Variants in AGTPBP1 observed in about 807,000 individuals in gnomAD.
AGTPBP1 encodes ATP/GTP binding carboxypeptidase 1, also known as cytosolic carboxypeptidase 1.
AGTPBP1 carries 70 observed loss-of-function variants against 143.9 expected under a neutral mutation model. The observed-to-expected ratio is 0.49, with a 90% confidence interval of 0.40 to 0.59. AGTPBP1 has a LOEUF of 0.59. Ranked by LOEUF, AGTPBP1 falls within the 20% of genes least tolerant of loss-of-function variation. AGTPBP1 has a pLI of 0.00. For synonymous variants in AGTPBP1, 463 were observed against 500.2 expected (o/e 0.93, Z 0.99); for missense variants, 1,229 against 1,464.5 (o/e 0.84, Z 2.62).
chr9:85,556,027 T>C (rs1587616209), intron 25 of AGTPBP1, among the ~76,000 whole-genome samples: 1 of 152,226 alleles, frequency 6.6e-6, no homozygotes, highest in Non-Finnish European at 1.5e-5. Flanking sequence ...AAAATAACTA[T>C]TGGGAACTAG....
At chr9:85,573,067 A>ACTCCCT (rs759082752) in intron 25 of AGTPBP1, among the ~76,000 whole-genome samples, 169 of 151,308 alleles carry the variant, frequency 1.1e-3, no homozygotes, top group African/African-American at 2.7e-3. Context: ...TATGACATGA[A>ACTCCCT]CTCCCTCTCC....
chr9:85,730,716 T>C (rs558060132), intron 1 of AGTPBP1, among the ~76,000 whole-genome samples: 1 of 152,312 alleles, frequency 6.6e-6, no homozygotes, highest in Admixed American at 6.5e-5. Context: ...TCTAAGTTCA[T>C]CTGGAAGATG....
At chr9:85,757,824 A>G in the AGTPBP1 span, among the ~76,000 whole-genome samples, 18 of 152,244 alleles carry the variant, frequency 1.2e-4, no homozygotes, top group African/African-American at 4.3e-4. Context: ...CATAGTCATG[A>G]AACTATTTTT....
At position 85,572,567 on chromosome 9, in the gene AGTPBP1, T is replaced by C. The variant is rs912193554; in HGVS notation, c.3503+2748A>G. Reference sequence around the variant, plus strand: ...CAGTACATGTGATTTCTTTAAAATATGTGCTTTTCAAAATATATATACTCC... The same window carrying C: ...CAGTACATGTGATTTCTTTAAAATACGTGCTTTTCAAAATATATATACTCC... On this transcript the variant is annotated intron_variant, in intron 25 of 25. Transcript: ENST00000357081. Among the ~76,000 whole-genome samples, 70 of 152,240 alleles carry C rather than the reference T, an allele frequency of 4.6e-4. 1 individual carries two copies. Among genetic ancestry groups the C allele is most frequent in the Non-Finnish European group, 1.8e-4 (12 of 68,036 alleles).
chr9:85,694,778 T>C (rs1836121266), intron 2 of AGTPBP1, among the ~76,000 whole-genome samples: 1 of 152,144 alleles, frequency 6.6e-6, no homozygotes, highest in Non-Finnish European at 1.5e-5. Context: ...GGCTCCTATG[T>C]TCAATAGCAG....
chr9:85,634,652 T>C (rs1241689417), intron 13 of AGTPBP1, among the ~76,000 whole-genome samples: 1 of 152,196 alleles, frequency 6.6e-6, no homozygotes, highest in Non-Finnish European at 1.5e-5. Flanking sequence ...AGATCATTCT[T>C]TTTTGGATGA....
chr9:85,659,167 A>C (rs1357873486), intron 9 of AGTPBP1, among the ~76,000 whole-genome samples: 4 of 152,220 alleles, frequency 2.6e-5, no homozygotes, highest in Non-Finnish European at 1.5e-5. Flanking sequence ...AAGGAAGTGA[A>C]CAGAGCTACA....
intron 1 of AGTPBP1, among the ~76,000 whole-genome samples, chr9:85,718,550 T>C (rs1258438107): frequency 6.6e-6 from 1 of 152,216 alleles, no homozygotes; most frequent in Non-Finnish European, 1.5e-5. Flanking sequence ...TTTAAGTTCT[T>C]TGTAGATTCT....
At chr9:85,567,819 C>T (rs1169521422) in intron 25 of AGTPBP1, among the ~76,000 whole-genome samples, 2 of 152,008 alleles carry the variant, frequency 1.3e-5, no homozygotes, top group African/African-American at 2.4e-5. Context: ...AATTCCAATA[C>T]AGGAATTCTA....
intron 11 of AGTPBP1, among the ~76,000 whole-genome samples, chr9:85,647,794 G>C (rs1832909800): frequency 6.6e-6 from 1 of 152,146 alleles, no homozygotes; most frequent in African/African-American, 2.4e-5. Context: ...GAAGTGAAAT[G>C]ATATCTTTAG....
At chr9:85,773,943 C>G in the AGTPBP1 span, 2 of 1,603,988 alleles carry the variant, frequency 1.2e-6, no homozygotes, top group Non-Finnish European at 8.5e-7. Flanking sequence ...AGAATCTGCA[C>G]TGGACCATCT....
In AGTPBP1 at chr9:85,588,373, G is replaced by A; in HGVS notation, c.2828C>T (p.Thr943Ile). 2 of 1,613,422 alleles carry A rather than the reference G, an allele frequency of 1.2e-6. No homozygotes were observed. The highest frequency in any genetic ancestry group is 1.7e-6 in the Non-Finnish European group (2 of 1,179,556). The stretch of plus-strand genomic sequence containing the variant: ...ATAAGATTCTCGTAAGCTCTGAGCA[G>A]TGGGGTTATTGCTCATGAGATATTC... The part of the protein sequence containing the change: ...TLEYLMSNNP[T>I]AQSLRESYIF... The change falls in exon 21 of 26, where the codon ACT becomes ATT. Residue 943 changes from threonine to isoleucine, a missense_variant. Physicochemically the swap from Thr to Ile is moderately conservative, Grantham distance 89. Around this residue, in one of 2 missense-constraint regions of AGTPBP1, gnomAD observed 486 missense variants for 652.3 expected, o/e 0.75. Coordinates refer to ENST00000357081, the MANE Select transcript of AGTPBP1 (RefSeq NM_001330701.2).
chr9:85,755,017 A>T, the AGTPBP1 span, among the ~76,000 whole-genome samples: 1 of 152,192 alleles, frequency 6.6e-6, no homozygotes, highest in Admixed American at 6.5e-5. Context: ...TCTCTTCCTA[A>T]TAATTGTAGA....
At chr9:85,734,049 C>T (rs1323915886) in intron 1 of AGTPBP1, among the ~76,000 whole-genome samples, 2 of 152,106 alleles carry the variant, frequency 1.3e-5, no homozygotes, top group Non-Finnish European at 2.9e-5. Context: ...GTCAAGAGAT[C>T]GAGACCAGCC....
chr9:85,782,700 T>C, the AGTPBP1 span, among the ~76,000 whole-genome samples: 2 of 152,194 alleles, frequency 1.3e-5, no homozygotes, highest in African/African-American at 4.8e-5. Flanking sequence ...CACAGTCTAA[T>C]GTCCCTCATA....
At chr9:85,773,866 A>G in the AGTPBP1 span, 1 of 1,605,264 alleles carries the variant, frequency 6.2e-7, no homozygotes, top group Non-Finnish European at 8.5e-7. Flanking sequence ...GCTGAACGGA[A>G]ACAACAATTA....
chr9:85,589,242 A>AT (rs1828801047), intron 20 of AGTPBP1, among the ~76,000 whole-genome samples: 1 of 152,104 alleles, frequency 6.6e-6, no homozygotes, highest in Admixed American at 6.6e-5. Context: ...ACCTCTTAAA[A>AT]TAATTTGTTG....
intron 3 of AGTPBP1, among the ~76,000 whole-genome samples, chr9:85,692,460 A>G (rs1280369463): frequency 2.0e-5 from 3 of 151,770 alleles, no homozygotes; most frequent in African/African-American, 7.3e-5. Flanking sequence ...TTTTTAGTAG[A>G]GACGGGGTTT....
intron 21 of AGTPBP1, among the ~76,000 whole-genome samples, chr9:85,587,899 A>C (rs1283953290): frequency 6.6e-6 from 1 of 152,128 alleles, no homozygotes; most frequent in Non-Finnish European, 1.5e-5. Flanking sequence ...CTAACATTCC[A>C]AGAGATCCCA....
Sources: gnomAD v4.1 joint callset for allele counts (sites outside exome capture counted in the v4.1 genomes callset) on GRCh38, gnomAD v4.1.1 for gene constraint, gnomAD v4.1.1 regional missense constraint, MANE v1.5 for transcripts, NCBI Gene and HGNC (gene_info 2026-07-23, HGNC 2026-07-21) for gene names.